Variants in ADCY8 observed in about 807,000 individuals in gnomAD.
ADCY8 encodes adenylate cyclase 8.
ADCY8 carries 51 observed loss-of-function variants against 119.7 expected under a neutral mutation model. That is an observed-to-expected ratio of 0.43 (90% CI 0.34 to 0.54). The LOEUF (loss-of-function observed/expected upper bound fraction) is 0.54. ADCY8 is among the 20% of genes least tolerant of loss of function. The probability of loss-of-function intolerance (pLI) is 0.03; values close to 1 mark genes in which losing one functional copy is unlikely to be tolerated. For missense variants in ADCY8, 1,383 were observed against 1,598.8 expected (o/e 0.87, Z 2.30); for synonymous variants, 665 against 651.0 (o/e 1.02, Z -0.33).
chr8:130,852,164 AACCAAG>A (rs1333956949), intron 9 of ADCY8, among the ~76,000 whole-genome samples: 1 of 152,200 alleles, frequency 6.6e-6, no homozygotes, highest in Non-Finnish European at 1.5e-5. Context: ...AGGAAAGAGT[AACCAAG>A]AATGTCAATT....
At chr8:130,811,600 C>T (rs1293678520) in intron 14 of ADCY8, among the ~76,000 whole-genome samples, 1 of 152,076 alleles carries the variant, frequency 6.6e-6, no homozygotes, top group Non-Finnish European at 1.5e-5. Flanking sequence ...TCCATATTGC[C>T]TTTGTAGCAT....
At chr8:130,929,945 A>G (rs930735793) in intron 5 of ADCY8, among the ~76,000 whole-genome samples, 1 of 152,200 alleles carries the variant, frequency 6.6e-6, no homozygotes, top group African/African-American at 2.4e-5. Flanking sequence ...TTGCATAAGT[A>G]TAGGTATTCC....
At chr8:131,037,090 G>C (rs1412268622) in intron 1 of ADCY8, among the ~76,000 whole-genome samples, 2 of 152,134 alleles carry the variant, frequency 1.3e-5, no homozygotes, top group African/African-American at 4.8e-5. Flanking sequence ...TAAGCCAATA[G>C]AGGGCGCCAA....
At chr8:130,893,061 A>T (rs1430372888) in intron 7 of ADCY8, among the ~76,000 whole-genome samples, 1 of 152,180 alleles carries the variant, frequency 6.6e-6, no homozygotes, top group African/African-American at 2.4e-5. Context: ...ATTATGTCTG[A>T]GACATTACAC....
intron 9 of ADCY8, among the ~76,000 whole-genome samples, chr8:130,850,638 G>C (rs963514624): frequency 3.3e-5 from 5 of 152,166 alleles, no homozygotes; most frequent in South Asian, 2.1e-4. Context: ...GGTGTTAAAG[G>C]GTACCTTGAT....
chr8:130,856,836 T>C (rs1305467768), intron 9 of ADCY8, among the ~76,000 whole-genome samples: 6 of 152,066 alleles, frequency 3.9e-5, no homozygotes, highest in Admixed American at 3.9e-4. Context: ...TCTTTTTTTT[T>C]TGTCTTGAGA....
chr8:131,033,833 G>T (rs958040888), intron 1 of ADCY8, among the ~76,000 whole-genome samples: 11 of 150,960 alleles, frequency 7.3e-5, no homozygotes, highest in Non-Finnish European at 1.5e-4. Flanking sequence ...GAAAGAAAAA[G>T]GAGACTCTCT....
intron 1 of ADCY8, among the ~76,000 whole-genome samples, chr8:131,028,764 C>T (rs562215294): frequency 2.6e-5 from 4 of 152,122 alleles, no homozygotes; most frequent in Non-Finnish European, 5.9e-5. Flanking sequence ...CCATTTTTTA[C>T]GCTTAGGAAA....
At chr8:130,883,400 T>A (rs1818854951) in intron 8 of ADCY8, among the ~76,000 whole-genome samples, 1 of 152,146 alleles carries the variant, frequency 6.6e-6, no homozygotes, top group African/African-American at 2.4e-5. Context: ...GCAAAATGTT[T>A]CTTTTCCTTT....
chr8:130,866,247 C>T lies in ADCY8; in HGVS notation c.2210+1599G>A, dbSNP rs552616711. ...TATACCATCTGTCCCATCATCTTCC[C>T]GGAATCCCCTCTCTCTTTCTAATGT... On this transcript the variant is annotated intron_variant, in intron 9 of 17. Transcript: ENST00000286355. Among the ~76,000 whole-genome samples, 160 of 152,034 alleles carry T rather than the reference C, an allele frequency of 1.1e-3. 5 individuals carry two copies. The South Asian group carries it at 0.031, about 29-fold the overall frequency.
At chr8:130,949,553 C>G (rs1821211525) in intron 3 of ADCY8, 1 of 152,180 alleles carries the variant, frequency 6.6e-6, no homozygotes, top group African/African-American at 2.4e-5. Context: ...ACCTATGATT[C>G]TCTGCATGGA....
chr8:130,788,886 A>G (rs1409861174), intron 15 of ADCY8, among the ~76,000 whole-genome samples: 2 of 152,214 alleles, frequency 1.3e-5, no homozygotes, highest in Non-Finnish European at 2.9e-5. Flanking sequence ...ATAAATCTCA[A>G]ACAAATTACA....
chr8:130,890,110 G>A (rs1203264874), intron 7 of ADCY8, among the ~76,000 whole-genome samples: 3 of 151,460 alleles, frequency 2.0e-5, no homozygotes, highest in Non-Finnish European at 2.9e-5. Context: ...AGGAATGGAT[G>A]AGTGGATAGA....
At position 130,937,170 on chromosome 8, in the gene ADCY8, C is replaced by T. The variant is rs976230194; in HGVS notation, c.1384G>A (p.Gly462Arg). 1 of 1,613,558 alleles carries T rather than the reference C, an allele frequency of 6.2e-7. No homozygotes were observed. Among genetic ancestry groups the T allele is most frequent in the African/African-American group, 1.3e-5 (1 of 74,870 alleles). Residue 462 changes from glycine (G) to arginine (R), a missense_variant, in exon 5 of 18, where the codon GGG (glycine) becomes AGG (arginine). By Grantham distance (125) the Gly-to-Arg change is moderately radical (BLOSUM62 -2). Transcript: ENST00000286355. ...CCAGACACGCAGTAGTAGCAGTCCC[C>T]CAGGATTTTAATACGAAGGCAGTGA... The part of the protein sequence containing the change: ...EHHCLRIKIL[G>R]DCYYCVSGLP...
intron 3 of ADCY8, among the ~76,000 whole-genome samples, chr8:130,947,655 C>A (rs1821143982): frequency 6.6e-6 from 1 of 152,170 alleles, no homozygotes; most frequent in South Asian, 2.1e-4. Context: ...CTGAGCAAGA[C>A]TCTAAAAACG....
chr8:130,902,356 A>G (rs1395163925), intron 7 of ADCY8, among the ~76,000 whole-genome samples: 1 of 152,154 alleles, frequency 6.6e-6, no homozygotes, highest in African/African-American at 2.4e-5. Flanking sequence ...CATGCACACC[A>G]ACTCAGAGAT....
chr8:131,029,364 C>A (rs1227920794), intron 1 of ADCY8, among the ~76,000 whole-genome samples: 4 of 152,148 alleles, frequency 2.6e-5, no homozygotes, highest in Non-Finnish European at 5.9e-5. Context: ...CCAAAATCAT[C>A]CCCCACCCAT....
chr8:130,819,048 A>G (rs1447905799), intron 13 of ADCY8, among the ~76,000 whole-genome samples: 4 of 152,214 alleles, frequency 2.6e-5, no homozygotes, highest in Non-Finnish European at 5.9e-5. Flanking sequence ...AGTATATTAC[A>G]ATTATATTCT....
chr8:130,833,759 A>G (rs111793660), intron 12 of ADCY8, among the ~76,000 whole-genome samples: 1 of 152,290 alleles, frequency 6.6e-6, no homozygotes, highest in Non-Finnish European at 1.5e-5. Flanking sequence ...GAGCAAACTG[A>G]GCACAGGGTC....
Sources: allele counts gnomAD v4.1 joint callset (sites outside exome capture counted in the v4.1 genomes callset), GRCh38; gene constraint gnomAD v4.1.1; transcripts MANE v1.5; gene names NCBI Gene and HGNC (gene_info 2026-07-23, HGNC 2026-07-21).